The following CDC20B variants were observed in gnomAD, a reference collection of about 807,000 sequenced individuals.
The protein encoded by CDC20B is cell division cycle 20B.
Under a neutral mutation model 64.1 loss-of-function variants are expected in CDC20B, and 58 were observed. The observed-to-expected ratio is 0.90, with a 90% CI of 0.73 to 1.13. The LOEUF (loss-of-function observed/expected upper bound fraction) is 1.13. CDC20B is among the 50% of genes most tolerant of loss of function. The probability of loss-of-function intolerance (pLI) is 0.00; values close to 1 mark genes in which losing one functional copy is unlikely to be tolerated. For missense variants in CDC20B, 597 were observed against 633.0 expected (o/e 0.94, Z 0.61); for synonymous variants, 243 against 230.6 (o/e 1.05, Z -0.49).
At chr5:55,149,246 G>T (rs1743589840) in intron 2 of CDC20B, among the ~76,000 whole-genome samples, 1 of 152,168 alleles carries the variant, frequency 6.6e-6, no homozygotes, top group Non-Finnish European at 1.5e-5. Context: ...GAAGAAACTG[G>T]AATCTTTGTA....
intron 2 of CDC20B, among the ~76,000 whole-genome samples, chr5:55,153,443 G>A (rs535176494): frequency 2.0e-5 from 3 of 152,048 alleles, no homozygotes; most frequent in Non-Finnish European, 4.4e-5. Context: ...AGTGATCTAT[G>A]AGCAAAACAT....
chr5:55,139,862 TAA>T (rs981767998), intron 5 of CDC20B, among the ~76,000 whole-genome samples: 7 of 151,884 alleles, frequency 4.6e-5, no homozygotes, highest in African/African-American at 1.7e-4. Flanking sequence ...CCAACTCTAC[TAA>T]AAATACAAAA....
At chr5:55,172,820 A>G in intron 1 of CDC20B, 118 bp downstream of exon 1, 1 of 1,086,184 alleles carries the variant, frequency 9.2e-7, no homozygotes, top group Non-Finnish European at 1.3e-6. Context: ...CATCACTCAA[A>G]TTTACGACCA....
At chr5:55,127,182 A>AT in intron 8 of CDC20B, 75 bp downstream of exon 8, 1 of 1,310,168 alleles carries the variant, frequency 7.6e-7, no homozygotes, top group African/African-American at 1.5e-5. Flanking sequence ...GGTTTTGAAT[A>AT]TTACAACTGT....
At chr5:55,171,679 T>C (rs1442196374) in intron 2 of CDC20B, among the ~76,000 whole-genome samples, 1 of 152,182 alleles carries the variant, frequency 6.6e-6, no homozygotes, top group Non-Finnish European at 1.5e-5. Context: ...CATAGCTCAC[T>C]GCAGCCTTGA....
At chr5:55,144,210 T>C (rs1465534586) in intron 3 of CDC20B, among the ~76,000 whole-genome samples, 1 of 152,148 alleles carries the variant, frequency 6.6e-6, no homozygotes. Context: ...TGCAGAAAGA[T>C]GTTTTAAAGA....
At chr5:55,125,076 A>G (rs1023707574) in intron 8 of CDC20B, 48 bp from the exon 9 acceptor site, 1 of 1,459,634 alleles carries the variant, frequency 6.9e-7, no homozygotes, top group African/African-American at 1.4e-5. Flanking sequence ...CTACATAAAC[A>G]TTTGAAAACA....
chr5:55,113,985 G>A lies in CDC20B; in HGVS notation c.*233C>T. 2 of 574,450 alleles carry A rather than the reference G, an allele frequency of 3.5e-6. No individual in the cohort carries two copies. The highest frequency in any genetic ancestry group is 5.6e-6 in the Non-Finnish European group (2 of 357,418). The allele number at this position is 574,450 out of a possible 1,614,324, so 35.6% of individuals were successfully genotyped here. A position where few individuals can be genotyped will look rare whatever the true frequency, so the allele number is the denominator to read the frequency against. ...AAAGGGGTAAGAATGGGAGGAAGAA[G>A]AGGAGGGGGAGGAAGAGGGGCAGAA... On this transcript the variant is annotated 3_prime_UTR_variant, in exon 12 of 12. Coordinates refer to ENST00000381375, the MANE Select transcript of CDC20B (RefSeq NM_001170402.1).
chr5:55,144,314 C>CTCAAGATTGAGAAAGCCCT (rs1485455955), intron 3 of CDC20B, among the ~76,000 whole-genome samples: 1 of 152,190 alleles, frequency 6.6e-6, no homozygotes, highest in Non-Finnish European at 1.5e-5. Flanking sequence ...CTACTCTCTT[C>CTCAAGATTGAGAAAGCCCT]TCAAGATTGA....
At chr5:55,118,781 A>G (rs1742684705) in intron 11 of CDC20B, among the ~76,000 whole-genome samples, 1 of 152,328 alleles carries the variant, frequency 6.6e-6, no homozygotes, top group East Asian at 1.9e-4. Context: ...TACAAAGGTC[A>G]TTCTGAGGCT....
At chr5:55,134,098 C>T (rs920602644) in intron 5 of CDC20B, among the ~76,000 whole-genome samples, 1 of 152,154 alleles carries the variant, frequency 6.6e-6, no homozygotes, top group Non-Finnish European at 1.5e-5. Flanking sequence ...TTACCCATGA[C>T]TATCTAAGGT....
At chr5:55,143,088 T>C (rs1173842257) in intron 4 of CDC20B, among the ~76,000 whole-genome samples, 2 of 152,118 alleles carry the variant, frequency 1.3e-5, no homozygotes, top group Non-Finnish European at 2.9e-5. Context: ...AAGGGAAATA[T>C]TTAAAAGACC....
intron 5 of CDC20B, among the ~76,000 whole-genome samples, chr5:55,137,846 T>A (rs886341947): frequency 6.6e-6 from 1 of 152,156 alleles, no homozygotes; most frequent in Non-Finnish European, 1.5e-5. Flanking sequence ...GATTAATAAC[T>A]GACCAAGAAG....
intron 5 of CDC20B, among the ~76,000 whole-genome samples, chr5:55,133,749 T>G (rs966737690): frequency 3.9e-5 from 6 of 152,222 alleles, no homozygotes; most frequent in Middle Eastern, 6.8e-3. Flanking sequence ...TCAATGACAC[T>G]TCCTACTAAA....
intron 2 of CDC20B, chr5:55,166,285 A>G (rs1033773340): frequency 1.1e-4 from 17 of 152,256 alleles, no homozygotes; most frequent in African/African-American, 3.9e-4. Flanking sequence ...GATACAGATG[A>G]ACATCCTGCC....
chr5:55,123,230 C>T (rs543736660), intron 9 of CDC20B, among the ~76,000 whole-genome samples: 4 of 152,000 alleles, frequency 2.6e-5, no homozygotes, highest in Non-Finnish European at 5.9e-5. Flanking sequence ...GTTAAAGTTC[C>T]CTGCTTTAAT....
chr5:55,130,454 G>A (rs969341722), intron 6 of CDC20B, among the ~76,000 whole-genome samples: 2 of 152,140 alleles, frequency 1.3e-5, no homozygotes, highest in Non-Finnish European at 2.9e-5. Context: ...AGGTGACCAT[G>A]GGGTTCTCAC....
At chr5:55,130,422 A>G (rs988422990) in intron 6 of CDC20B, among the ~76,000 whole-genome samples, 1 of 152,200 alleles carries the variant, frequency 6.6e-6, no homozygotes, top group African/African-American at 2.4e-5. Context: ...AAGTAGAGTC[A>G]GGTCTTAGAA....
Position 55,113,274 on chromosome 5 carries a change from A to C in CDC20B, c.*944T>G, listed in dbSNP as rs1033672084. On this transcript the variant is annotated 3_prime_UTR_variant, in exon 12 of 12. Coordinates refer to ENST00000381375, the MANE Select transcript of CDC20B (RefSeq NM_001170402.1). ...TGATCAAGTTTGAAGGAACCTTAGC[A>C]GTGATCAAATTCCTATCCTTGCAGA... The C allele has an allele frequency of 2.0e-5, 3 of 152,270 alleles. No homozygotes were observed. The highest frequency in any genetic ancestry group is 4.4e-5 in the Non-Finnish European group (3 of 68,056). The allele number at this position is 152,270 out of a possible 1,614,324, so 9.4% of individuals were successfully genotyped here. A position where few individuals can be genotyped will look rare whatever the true frequency, so the allele number is the denominator to read the frequency against.
Sources: allele counts gnomAD v4.1 joint callset (sites outside exome capture counted in the v4.1 genomes callset), GRCh38; gene constraint gnomAD v4.1.1; transcripts MANE v1.5; gene names NCBI Gene and HGNC (gene_info 2026-07-23, HGNC 2026-07-21).